The following LRP1B variants were observed in gnomAD, a reference collection of about 807,000 sequenced individuals.
LRP1B encodes LDL receptor related protein 1B.
LRP1B carries 217 observed loss-of-function variants against 556.6 expected under a neutral mutation model. The ratio of observed to expected loss-of-function variants is 0.39; its 90% CI spans 0.35 to 0.44. The LOEUF (loss-of-function observed/expected upper bound fraction) is 0.44. Ranked by LOEUF, LRP1B falls within the 20% of genes least tolerant of loss-of-function variation. The pLI is 1.00. For missense variants in LRP1B, 5,053 were observed against 5,620.8 expected (o/e 0.90, Z 3.23); for synonymous variants, 2,047 against 1,865.8 (o/e 1.10, Z -2.50).
chr2:142,094,039 A>G (rs1391912627), intron 1 of LRP1B, among the ~76,000 whole-genome samples: 1 of 152,044 alleles, frequency 6.6e-6, no homozygotes, highest in African/African-American at 2.4e-5. Flanking sequence ...ACATCTTCCA[A>G]TTCATAGATG....
chr2:140,856,556 G>T (rs573914618), intron 27 of LRP1B, among the ~76,000 whole-genome samples: 13 of 152,216 alleles, frequency 8.5e-5, no homozygotes, highest in African/African-American at 3.1e-4. Context: ...GTTCTCCATA[G>T]TAATTATTCA....
At chr2:141,329,686 C>T (rs1450074800) in intron 3 of LRP1B, among the ~76,000 whole-genome samples, 2 of 150,022 alleles carry the variant, frequency 1.3e-5, no homozygotes, top group Non-Finnish European at 3.0e-5. Context: ...CTCTATCTAT[C>T]TGTTCGAGGC....
intron 70 of LRP1B, 64 bp downstream of exon 70, chr2:140,371,115 T>C: frequency 9.2e-7 from 1 of 1,084,566 alleles, no homozygotes; most frequent in South Asian, 1.6e-5. Context: ...TTATTTTCAT[T>C]ACATTTGTTT....
At position 141,239,272 on chromosome 2, in the gene LRP1B, T is replaced by C. The variant is rs146728954; in HGVS notation, c.592+7954A>G. On this transcript the variant is annotated intron_variant, in intron 5 of 90. Coordinates refer to ENST00000389484, the MANE Select transcript of LRP1B (RefSeq NM_018557.3). ...GACCGATAGTCAACTAATTAGGCAATGGGAGGTCACTGAAGCCCTTGGCAA... is the reference window on the plus strand; with the variant it reads ...GACCGATAGTCAACTAATTAGGCAACGGGAGGTCACTGAAGCCCTTGGCAA... 2.8e-3 allele frequency among the ~76,000 whole-genome samples: 425 copies of C among 152,120 alleles called. 3 individuals are homozygous for C. Among genetic ancestry groups the C allele is most frequent in the African/African-American group, 8.7e-3 (362 of 41,522 alleles).
chr2:141,031,449 C>A (rs574301083), intron 11 of LRP1B, among the ~76,000 whole-genome samples: 54 of 151,860 alleles, frequency 3.6e-4, no homozygotes, highest in Middle Eastern at 6.8e-3. Context: ...TAAAATGAAA[C>A]AAGAAGGCCA....
At chr2:141,510,909 C>CACACACA (rs70994436) in intron 2 of LRP1B, among the ~76,000 whole-genome samples, 10,684 of 138,836 alleles carry the variant, frequency 0.077, 559 homozygotes, top group African/African-American at 0.16. Flanking sequence ...CACACACACA[C>CACACACA]CCCACACAAA....
At chr2:140,561,213 G>T (rs186239268) in intron 43 of LRP1B, among the ~76,000 whole-genome samples, 1 of 152,196 alleles carries the variant, frequency 6.6e-6, no homozygotes, top group African/African-American at 2.4e-5. Context: ...CTAGGAGCTG[G>T]CCGTGAAGAA....
chr2:141,422,100 C>G (rs954712073), intron 3 of LRP1B, among the ~76,000 whole-genome samples: 1 of 152,182 alleles, frequency 6.6e-6, no homozygotes, highest in African/African-American at 2.4e-5. Flanking sequence ...TACAATCTTA[C>G]TGTGACTCAG....
At chr2:142,026,641 G>A (rs945180731) in intron 1 of LRP1B, among the ~76,000 whole-genome samples, 1 of 151,834 alleles carries the variant, frequency 6.6e-6, no homozygotes, top group Non-Finnish European at 1.5e-5. Context: ...TTTATGCTAC[G>A]GCCAAACAAA....
At chr2:141,309,034 T>C (rs1045018559) in intron 3 of LRP1B, among the ~76,000 whole-genome samples, 3 of 152,184 alleles carry the variant, frequency 2.0e-5, no homozygotes, top group East Asian at 1.9e-4. Context: ...CAGCTTCAAA[T>C]TGAGGATTTG....
chr2:141,635,328 G>T (rs1689076301), intron 2 of LRP1B, among the ~76,000 whole-genome samples: 2 of 151,824 alleles, frequency 1.3e-5, no homozygotes, highest in African/African-American at 4.8e-5. Context: ...GAACACAACG[G>T]GTGTTACCTA....
chr2:141,340,500 A>G (rs2714225), intron 3 of LRP1B, among the ~76,000 whole-genome samples: 91,651 of 152,034 alleles, frequency 0.6, 28,505 homozygotes, highest in African/African-American at 0.68. Flanking sequence ...AATTCTTATA[A>G]AAGCAAAAAT....
At chr2:140,802,854 G>A (rs1243391922) in intron 32 of LRP1B, among the ~76,000 whole-genome samples, 4 of 152,234 alleles carry the variant, frequency 2.6e-5, no homozygotes, top group African/African-American at 4.8e-5. Context: ...AGTTTTCAAC[G>A]AGTCACTTTT....
intron 2 of LRP1B, among the ~76,000 whole-genome samples, chr2:141,728,846 G>A (rs756152959): frequency 3.9e-5 from 6 of 152,162 alleles, no homozygotes; most frequent in African/African-American, 9.7e-5. Context: ...GCTCTCACAC[G>A]TGATGTTTGG....
At chr2:140,698,099 C>A (rs1686500858) in intron 41 of LRP1B, among the ~76,000 whole-genome samples, 1 of 151,730 alleles carries the variant, frequency 6.6e-6, no homozygotes, top group Non-Finnish European at 1.5e-5. Context: ...CAGACCAAGA[C>A]ATTCAACATC....
At chr2:140,670,631 C>A (rs187013603) in intron 41 of LRP1B, among the ~76,000 whole-genome samples, 1 of 152,164 alleles carries the variant, frequency 6.6e-6, no homozygotes, top group Admixed American at 6.5e-5. Context: ...CATAGGTTCT[C>A]TGAACTGAGG....
At chr2:141,071,552 G>A (rs1017466940) in intron 7 of LRP1B, among the ~76,000 whole-genome samples, 5 of 152,148 alleles carry the variant, frequency 3.3e-5, no homozygotes, top group African/African-American at 1.2e-4. Flanking sequence ...TAGGGAAAGA[G>A]GAAGTCAAAT....
At chr2:140,790,297 C>A (rs989800088) in intron 32 of LRP1B, among the ~76,000 whole-genome samples, 2 of 151,984 alleles carry the variant, frequency 1.3e-5, no homozygotes, top group African/African-American at 4.8e-5. Context: ...GAATACGCCC[C>A]ATATTTAGTC....
chr2:141,524,957 A>C (rs1012895622), intron 2 of LRP1B, among the ~76,000 whole-genome samples: 1 of 152,164 alleles, frequency 6.6e-6, no homozygotes, highest in African/African-American at 2.4e-5. Context: ...TGTTTGCACC[A>C]TGTCTTATCA....
Sources: allele counts gnomAD v4.1 joint callset (sites outside exome capture counted in the v4.1 genomes callset), GRCh38; gene constraint gnomAD v4.1.1; transcripts MANE v1.5; gene names NCBI Gene and HGNC (gene_info 2026-07-23, HGNC 2026-07-21).